The following FIS1 variants were observed in gnomAD, a reference collection of about 807,000 sequenced individuals.
FIS1 encodes the protein mitochondrial fission 1 protein.
Under a neutral mutation model 21.6 loss-of-function variants are expected in FIS1, and 16 were observed. That is an observed-to-expected ratio of 0.74 (90% CI 0.50 to 1.12). FIS1 has a LOEUF of 1.12. Ranked by LOEUF, FIS1 falls within the 50% of genes most tolerant of loss-of-function variation. The pLI, the probability that FIS1 is intolerant of heterozygous loss-of-function variation, is 0.00. For missense variants in FIS1, 198 were observed against 190.9 expected (o/e 1.04, Z -0.22); for synonymous variants, 92 against 82.2 (o/e 1.12, Z -0.65).
Position 101,240,834 on chromosome 7 carries a change from AGCCGGTAGTTCCCCACG to A in FIS1, c.234_250del (p.Val79GlnfsTer31). Reference sequence around the variant, plus strand: ...GGAACGGGGTCCCCACCTCACCTTGAGCCGGTAGTTCCCCACGGCCAGGTAGAAGACGTAATCCCGCT... The same window carrying A: ...GGAACGGGGTCCCCACCTCACCTTGAGCCAGGTAGAAGACGTAATCCCGCT... On this transcript the variant is annotated frameshift_variant, in exon 3 of 5. Transcript: ENST00000223136. LOFTEE classifies it high-confidence loss of function. 1 of 1,613,780 alleles carries A rather than the reference AGCCGGTAGTTCCCCACG, an allele frequency of 6.2e-7. No individual in the cohort carries two copies. The highest frequency in any genetic ancestry group is 1.1e-5 in the South Asian group (1 of 91,064).
chr7:101,240,271 CG>C (rs1798725433), intron 3 of FIS1, 24 bp from the exon 4 acceptor site: 1 of 1,605,612 alleles, frequency 6.2e-7, no homozygotes, highest in South Asian at 1.1e-5. Context: ...AACGCGCACG[CG>C]TCATACACAC....
chr7:101,244,671 C>T, intron 1 of FIS1: 1 of 536,524 alleles, frequency 1.9e-6, no homozygotes. Context: ...TGGAGGAGCG[C>T]CCTGAGCTCA....
intron 3 of FIS1, 66 bp from the exon 4 acceptor site, chr7:101,240,313 A>AT: frequency 1.3e-6 from 2 of 1,527,004 alleles, no homozygotes; most frequent in Non-Finnish European, 1.8e-6. Flanking sequence ...TTGTTTTTTA[A>AT]TAAGAGACGG....
At position 101,244,035 on chromosome 7, in the gene FIS1, G is replaced by A. The variant is rs781173899; in HGVS notation, c.150C>T (p.Asp50=). 1.9e-6 allele frequency: 3 copies of A among 1,613,866 alleles called. No homozygotes were observed. Among genetic ancestry groups the A allele is most frequent in the Non-Finnish European group, 8.5e-7 (1 of 1,179,944 alleles). ...CGAGCAGCACGATGCCTTTACGGAT[G>A]TCATCATTGTACTTGCTCCGCACCA... ...WCLVRSKYND[D]IRKGIVLLEE... is the part of the protein sequence containing the mutation. The change falls in exon 2 of 5, where the codon GAC becomes GAT. Residue 50 remains aspartate, a synonymous_variant. Transcript: ENST00000223136.
At chr7:101,243,463 C>T (rs1798773374) in intron 2 of FIS1, among the ~76,000 whole-genome samples, 1 of 152,156 alleles carries the variant, frequency 6.6e-6, no homozygotes, top group Non-Finnish European at 1.5e-5. Context: ...GTAATCCCAG[C>T]TACTCAGGAT....
At chr7:101,244,547 T>C (rs1002302716) in intron 1 of FIS1, 2 of 340,940 alleles carry the variant, frequency 5.9e-6, no homozygotes, top group African/African-American at 2.1e-5. Context: ...GGAATAGAAG[T>C]AGTGCCTACC....
At chr7:101,242,488 T>G (rs112780666) in intron 2 of FIS1, among the ~76,000 whole-genome samples, 1 of 77,212 alleles carries the variant, frequency 1.3e-5, no homozygotes, top group Non-Finnish European at 2.4e-5. Flanking sequence ...ATTTTTATAG[T>G]TTTTTTTTTT....
At chr7:101,243,104 G>A (rs933376619) in intron 2 of FIS1, among the ~76,000 whole-genome samples, 5 of 152,112 alleles carry the variant, frequency 3.3e-5, no homozygotes, top group African/African-American at 1.2e-4. Context: ...TATCTGTGGG[G>A]GTGGGGTTCC....
At position 101,239,992 on chromosome 7, in the gene FIS1, C is replaced by G. The variant is rs891912779; in HGVS notation, c.362-89G>C. On this transcript the variant is annotated intron_variant, in intron 4 of 4. Transcript: ENST00000223136. The stretch of plus-strand genomic sequence containing the variant: ...CGCCAGCCCTGCCCCTCAACAGAGG[C>G]ACACCCCTACCTGGAGTCGCAGGGC... 6 of 1,429,046 alleles carry G rather than the reference C, an allele frequency of 4.2e-6. No homozygotes were observed. The Admixed American group carries it at 1.2e-4, about 28-fold the overall frequency. 88.5% of individuals were successfully genotyped at this position (1,429,046 alleles called of 1,614,324 possible). A position where few individuals can be genotyped will look rare whatever the true frequency, so the allele number is the denominator to read the frequency against.
rs1394431852 is a variant in FIS1 at position 101,242,820 on chromosome 7, AAC to A, written c.178+1185_178+1186del. 4.6e-5 allele frequency among the ~76,000 whole-genome samples: 7 copies of A among 152,202 alleles called. No individual in the cohort carries two copies. The East Asian group carries it at 1.4e-3, about 29-fold the overall frequency. ...AGATTTTCAATAGGCATCCTTTGCT[AAC>A]ACAGTCAGCATTCTGTATTCATAGA... On this transcript the variant is annotated intron_variant, in intron 2 of 4. Coordinates refer to ENST00000223136, the MANE Select transcript of FIS1 (RefSeq NM_016068.3).
At chr7:101,241,421 A>T (rs1474745906) in intron 2 of FIS1, among the ~76,000 whole-genome samples, 1 of 151,706 alleles carries the variant, frequency 6.6e-6, no homozygotes, top group Non-Finnish European at 1.5e-5. Flanking sequence ...GAGTTTCACC[A>T]TGTTGGCCAG....
At chr7:101,244,488 C>T in intron 1 of FIS1, 1 of 344,506 alleles carries the variant, frequency 2.9e-6, no homozygotes, top group Non-Finnish European at 5.4e-6. Context: ...TTTGAGGCTG[C>T]TGGCCCCATC....
At chr7:101,243,497 A>G (rs1324639985) in intron 2 of FIS1, among the ~76,000 whole-genome samples, 1 of 152,086 alleles carries the variant, frequency 6.6e-6, no homozygotes, top group Non-Finnish European at 1.5e-5. Context: ...AATTGCTTGA[A>G]CCGGGAGGTG....
At chr7:101,239,938 C>A (rs910628522) in intron 4 of FIS1, 35 bp from the exon 5 acceptor site, 1 of 1,553,404 alleles carries the variant, frequency 6.4e-7, no homozygotes, top group South Asian at 1.2e-5. Context: ...AGGAGCCCGG[C>A]CCCTGCGGAA....
rs1193186681 is a variant in FIS1, at chr7:101,240,694, G to A, written c.255+136C>T. The A allele has an allele frequency of 4.2e-5, 34 of 802,926 alleles. No homozygotes were observed. In the Admixed American group the frequency reaches 6.9e-4, roughly 16 times the overall value. 49.7% of individuals were successfully genotyped at this position (802,926 alleles called of 1,614,324 possible). On this transcript the variant is annotated intron_variant, in intron 3 of 4. Coordinates refer to ENST00000223136, the MANE Select transcript of FIS1 (RefSeq NM_016068.3). Reference sequence around the variant, plus strand: ...CCCTCGCCACTCTGATCTTCCCTCGGAGTCCTCATCTGACACCGCTCTGCA... The same window carrying A: ...CCCTCGCCACTCTGATCTTCCCTCGAAGTCCTCATCTGACACCGCTCTGCA...
rs940210688 is a variant in FIS1 at position 101,239,561 on chromosome 7, CCT to C, written c.*243_*244del. On this transcript the variant is annotated 3_prime_UTR_variant, in exon 5 of 5. Coordinates refer to ENST00000223136, the MANE Select transcript of FIS1 (RefSeq NM_016068.3). ...AGGACCAGGAGTGACGTCTCCGCCC[CCT>C]GTGCCCAGCGTTCAGAACCCACCCC... 1.5e-4 allele frequency: 90 copies of C among 581,190 alleles called. No homozygotes were observed. Among genetic ancestry groups the C allele is most frequent in the East Asian group, 4.6e-4 (15 of 32,704 alleles). 36.0% of individuals were successfully genotyped at this position (581,190 alleles called of 1,614,324 possible).
Position 101,239,563 on chromosome 7 carries a change from T to A in FIS1, c.*243A>T. 1.7e-6 allele frequency: 1 copy of A among 580,248 alleles called. No individual in the cohort carries two copies. The highest frequency in any genetic ancestry group is 1.8e-5 in the South Asian group (1 of 54,722). 35.9% of individuals were successfully genotyped at this position (580,248 alleles called of 1,614,324 possible). A position where few individuals can be genotyped will look rare whatever the true frequency, so the allele number is the denominator to read the frequency against. On this transcript the variant is annotated 3_prime_UTR_variant, in exon 5 of 5. Coordinates refer to ENST00000223136, the MANE Select transcript of FIS1 (RefSeq NM_016068.3). ...GACCAGGAGTGACGTCTCCGCCCCC[T>A]GTGCCCAGCGTTCAGAACCCACCCC...
intron 3 of FIS1, 104 bp from the exon 4 acceptor site, chr7:101,240,351 G>C: frequency 1.7e-6 from 2 of 1,148,862 alleles, no homozygotes; most frequent in Admixed American, 2.2e-5. Flanking sequence ...CACGCTGGAC[G>C]GCAGCGTCGC....
At chr7:101,244,783 C>T (rs760507914) in intron 1 of FIS1, 177 bp downstream of exon 1, 223 of 699,052 alleles carry the variant, frequency 3.2e-4, no homozygotes, top group Middle Eastern at 8.0e-4. Flanking sequence ...CTCCCAGGAG[C>T]CTCTGCGGCA....
Sources: allele counts gnomAD v4.1 joint callset (sites outside exome capture counted in the v4.1 genomes callset), GRCh38; gene constraint gnomAD v4.1.1; transcripts MANE v1.5; gene names NCBI Gene and HGNC (gene_info 2026-07-23, HGNC 2026-07-21).